Variants in LRRC7 observed in about 807,000 individuals in gnomAD.
LRRC7 encodes leucine-rich repeat-containing protein 7.
A neutral mutation model predicts 175.7 loss-of-function variants in LRRC7; 23 were observed. The observed-to-expected ratio is 0.13, with a 90% CI of 0.09 to 0.19. The LOEUF (loss-of-function observed/expected upper bound fraction) is 0.19, where lower values mean the gene tolerates loss of function less well. Ranked by LOEUF, LRRC7 falls within the 10% of genes least tolerant of loss-of-function variation. The pLI, the probability that LRRC7 is intolerant of heterozygous loss-of-function variation, is 1.00. For missense variants in LRRC7, 1,354 were observed against 1,904.7 expected, an observed-to-expected ratio of 0.71 and a Z score of 5.38; for synonymous variants, 685 against 680.9, an observed-to-expected ratio of 1.01 and a Z score of -0.09.
chr1:69,729,268 A>G (rs778907620), intron 2 of LRRC7, among the ~76,000 whole-genome samples: 1 of 152,094 alleles, frequency 6.6e-6, no homozygotes, highest in Non-Finnish European at 1.5e-5. Flanking sequence ...AATTCAAAAC[A>G]CAATCATGTC....
intron 8 of LRRC7, among the ~76,000 whole-genome samples, chr1:69,968,344 G>A (rs1355166707): frequency 1.3e-5 from 2 of 152,100 alleles, no homozygotes; most frequent in Non-Finnish European, 2.9e-5. Flanking sequence ...GTATTCCTGA[G>A]GAAGAACAGA....
intron 7 of LRRC7, among the ~76,000 whole-genome samples, chr1:69,890,348 G>A (rs1464595333): frequency 6.6e-6 from 1 of 152,212 alleles, no homozygotes; most frequent in African/African-American, 2.4e-5. Context: ...TAGGTGCATT[G>A]TCAATGAACA....
intron 1 of LRRC7, among the ~76,000 whole-genome samples, chr1:69,677,872 T>C (rs1377346139): frequency 1.3e-5 from 2 of 152,094 alleles, no homozygotes; most frequent in Non-Finnish European, 2.9e-5. Context: ...TAAATTTGGT[T>C]CCTTGTGCAG....
chr1:70,067,942 G>T (rs911967619), intron 23 of LRRC7, among the ~76,000 whole-genome samples: 1 of 152,040 alleles, frequency 6.6e-6, no homozygotes, highest in Non-Finnish European at 1.5e-5. Flanking sequence ...AAATACACTT[G>T]ATTTGTGTAT....
intron 8 of LRRC7, among the ~76,000 whole-genome samples, chr1:69,979,763 T>C (rs1372729636): frequency 6.6e-6 from 1 of 152,114 alleles, no homozygotes; most frequent in African/African-American, 2.4e-5. Context: ...GCTTGGGGAC[T>C]GATTTTTTAA....
chr1:69,851,322 G>A (rs1682957985), intron 7 of LRRC7, among the ~76,000 whole-genome samples: 1 of 152,154 alleles, frequency 6.6e-6, no homozygotes, highest in Non-Finnish European at 1.5e-5. Context: ...ATGCAGCAGT[G>A]CAGATGTCAG....
intron 26 of LRRC7, among the ~76,000 whole-genome samples, 163 bp downstream of exon 26, chr1:70,107,989 C>T (rs553073096): frequency 1.3e-5 from 2 of 152,110 alleles, no homozygotes; most frequent in East Asian, 3.9e-4. Flanking sequence ...AAAAACAATT[C>T]AGTCTGACAA....
At chr1:69,719,338 G>A (rs1156735505) in intron 2 of LRRC7, among the ~76,000 whole-genome samples, 1 of 151,628 alleles carries the variant, frequency 6.6e-6, no homozygotes, top group East Asian at 1.9e-4. Context: ...ATGAAAGAAT[G>A]AATCAGTTCT....
intron 2 of LRRC7, among the ~76,000 whole-genome samples, chr1:69,695,406 A>G (rs1223273916): frequency 6.6e-6 from 1 of 152,250 alleles, no homozygotes; most frequent in African/African-American, 2.4e-5. Flanking sequence ...TTTGGAACTT[A>G]TAATTGAAAG....
intron 20 of LRRC7, among the ~76,000 whole-genome samples, chr1:70,036,828 A>T (rs1222420941): frequency 1.3e-5 from 2 of 152,200 alleles, no homozygotes; most frequent in African/African-American, 4.8e-5. Context: ...GTTAAGGAAG[A>T]CATGGTAGGA....
intron 1 of LRRC7, among the ~76,000 whole-genome samples, chr1:69,584,982 A>G (rs1398408679): frequency 6.6e-6 from 1 of 152,194 alleles, no homozygotes; most frequent in Non-Finnish European, 1.5e-5. Context: ...GGAAGCCTCT[A>G]CTATCATCTT....
intron 2 of LRRC7, among the ~76,000 whole-genome samples, chr1:69,717,814 G>T (rs1317314210): frequency 1.2e-4 from 3 of 25,396 alleles, no homozygotes; most frequent in African/African-American, 7.8e-4. Context: ...AAGAAAGAAA[G>T]AAAGAAAGAA....
intron 3 of LRRC7, among the ~76,000 whole-genome samples, chr1:69,768,308 C>T (rs563256175): frequency 4.6e-5 from 7 of 152,284 alleles, no homozygotes; most frequent in South Asian, 2.1e-4. Context: ...GCTTTCTCCT[C>T]GGAGACTTTA....
intron 7 of LRRC7, among the ~76,000 whole-genome samples, chr1:69,899,208 T>G (rs1436296674): frequency 1.3e-5 from 2 of 152,224 alleles, no homozygotes; most frequent in African/African-American, 4.8e-5. Context: ...GAAGTTGTCT[T>G]GTTTTTATTT....
chr1:70,042,049 T>G (rs1407756570), intron 21 of LRRC7, among the ~76,000 whole-genome samples: 1 of 152,242 alleles, frequency 6.6e-6, no homozygotes, highest in Non-Finnish European at 1.5e-5. Context: ...CAAAGCAATT[T>G]CAATGTACAT....
At chr1:70,027,778 C>G (rs1045178485) in intron 17 of LRRC7, among the ~76,000 whole-genome samples, 4 of 152,108 alleles carry the variant, frequency 2.6e-5, no homozygotes, top group South Asian at 2.1e-4. Context: ...AAAAGATACT[C>G]TTAATATCAA....
intron 7 of LRRC7, among the ~76,000 whole-genome samples, chr1:69,878,319 T>G (rs1378148119): frequency 6.7e-6 from 1 of 150,124 alleles, no homozygotes; most frequent in African/African-American, 2.4e-5. Flanking sequence ...AGTGACAGAC[T>G]GACATCTGCA....
chr1:69,882,197 A>T (rs1686687898), intron 7 of LRRC7, among the ~76,000 whole-genome samples: 1 of 152,146 alleles, frequency 6.6e-6, no homozygotes, highest in South Asian at 2.1e-4. Context: ...ACCAGTTAGG[A>T]TGGGTATTAT....
rs374703480 is a variant in LRRC7, at chr1:69,785,906, G to A, written c.304-6137G>A. On this transcript the variant is annotated intron_variant, in intron 3 of 26. Transcript: ENST00000651989. ...AAAATTCCAAAAAGACCTTCTTACCGTGTCCTCCATGTCATTTAAGCAGTC... is the reference window on the plus strand; with the variant it reads ...AAAATTCCAAAAAGACCTTCTTACCATGTCCTCCATGTCATTTAAGCAGTC... 3.0e-4 allele frequency among the ~76,000 whole-genome samples: 46 copies of A among 151,980 alleles called. 1 individual carries two copies. Among genetic ancestry groups the A allele is most frequent in the Admixed American group, 9.2e-4 (14 of 15,280 alleles).
Sources: allele counts gnomAD v4.1 joint callset (sites outside exome capture counted in the v4.1 genomes callset), GRCh38; gene constraint gnomAD v4.1.1; transcripts MANE v1.5; gene names NCBI Gene and HGNC (gene_info 2026-07-23, HGNC 2026-07-21).